The following ABCC8 variants were observed in gnomAD, a reference collection of about 807,000 sequenced individuals.
The protein encoded by ABCC8 is ATP-binding cassette sub-family C member 8.
In ABCC8, 137 loss-of-function variants were observed where a neutral mutation model predicts 188.0. The observed-to-expected ratio is 0.73, with a 90% CI of 0.63 to 0.84. The LOEUF is 0.84. Ranked by LOEUF, ABCC8 falls within the 40% of genes least tolerant of loss-of-function variation. The pLI is 0.00. For synonymous variants in ABCC8, 797 were observed against 846.5 expected (o/e 0.94, Z 1.01); for missense variants, 1,750 against 2,072.7 (o/e 0.84, Z 3.02).
chr11:17,450,432 T>C (rs1044973846), intron 7 of ABCC8, among the ~76,000 whole-genome samples: 1 of 145,926 alleles, frequency 6.9e-6, no homozygotes, highest in Non-Finnish European at 1.5e-5. Context: ...TCTTGCTGTG[T>C]CGCCCAGGCT....
Position 17,474,958 on chromosome 11 carries a change from A to C in ABCC8, c.218T>G (p.Leu73Arg). 6.2e-7 allele frequency: 1 copy of C among 1,614,202 alleles called. No individual in the cohort carries two copies. Among genetic ancestry groups the C allele is most frequent in the Non-Finnish European group, 8.5e-7 (1 of 1,180,026 alleles). Residue 73 changes from leucine to arginine, a missense_variant, in exon 2 of 39, where the codon CTG (leucine) becomes CGG (arginine). Physicochemically the swap from Leu to Arg is moderately radical, Grantham distance 102. Coordinates refer to ENST00000389817, the MANE Select transcript of ABCC8 (RefSeq NM_000352.6). Reference sequence around the variant, plus strand: ...CAGCATGAAGGTCAGGATCCACCGCAGGTTGTGCCCAGGGAAATGAAGCCA... The same window carrying C: ...CAGCATGAAGGTCAGGATCCACCGCCGGTTGTGCCCAGGGAAATGAAGCCA... Reference protein sequence around the residue: ...STWLHFPGHNLRWILTFMLLF... With the variant: ...STWLHFPGHNRRWILTFMLLF...
chr11:17,402,709 GAGAGA>G lies in ABCC8; in HGVS notation c.3597_3601del (p.Leu1200ThrfsTer18). The G allele has an allele frequency of 1.2e-6, 2 of 1,614,252 alleles. No homozygotes were observed. Among genetic ancestry groups the G allele is most frequent in the Non-Finnish European group, 1.7e-6 (2 of 1,180,050 alleles). On this transcript the variant is annotated frameshift_variant, in exon 29 of 39. Transcript: ENST00000389817. LOFTEE classifies it high-confidence loss of function. ...TCCTTCTACGGTTTCGGCAAAGTGT[GAGAGA>G]AGTGGAAGCTGGGTGGTGTCATCCA...
In ABCC8 at chr11:17,443,167, T is replaced by C; in HGVS notation, c.1467+11A>G. 1 of 1,614,046 alleles carries C rather than the reference T, an allele frequency of 6.2e-7. No homozygotes were observed. The highest frequency in any genetic ancestry group is 8.5e-7 in the Non-Finnish European group (1 of 1,179,984). ...AAGAGGGACAAAACACACACACCTTTGGGCACTCACCAGTGTGCTCCGCTG... is the reference window on the plus strand; with the variant it reads ...AAGAGGGACAAAACACACACACCTTCGGGCACTCACCAGTGTGCTCCGCTG... On this transcript the variant is annotated intron_variant, in intron 9 of 38. Coordinates refer to ENST00000389817, the MANE Select transcript of ABCC8 (RefSeq NM_000352.6).
At chr11:17,430,519 G>A (rs929478081) in intron 12 of ABCC8, 1 of 447,982 alleles carries the variant, frequency 2.2e-6, no homozygotes, top group Non-Finnish European at 4.2e-6. Flanking sequence ...GTAGAATTTA[G>A]GAGGATTCCA....
intron 6 of ABCC8, among the ~76,000 whole-genome samples, chr11:17,456,455 A>G (rs1420485479): frequency 6.6e-6 from 1 of 152,208 alleles, no homozygotes; most frequent in East Asian, 1.9e-4. Context: ...ATGATTGGAA[A>G]GGTCCCCTTC....
At position 17,396,044 on chromosome 11, in the gene ABCC8, C is replaced by T. The variant is rs551249865; in HGVS notation, c.4120-114G>A. 40 of 1,528,222 alleles carry T rather than the reference C, an allele frequency of 2.6e-5. 1 individual carries two copies. The African/African-American group carries it at 3.7e-4, about 14-fold the overall frequency. The allele number at this position is 1,528,222 out of a possible 1,614,324, so 94.7% of individuals were successfully genotyped here. Reference sequence around the variant, plus strand: ...GGGAGGTCACAGGGTATCTTTTTGGCCTGGTTTTCTGACTAGTTTCTCTTT... The same window carrying T: ...GGGAGGTCACAGGGTATCTTTTTGGTCTGGTTTTCTGACTAGTTTCTCTTT... On this transcript the variant is annotated intron_variant, in intron 33 of 38. Transcript: ENST00000389817.
chr11:17,456,616 C>T (rs573524439), intron 6 of ABCC8, among the ~76,000 whole-genome samples: 10 of 152,286 alleles, frequency 6.6e-5, no homozygotes, highest in Admixed American at 2.0e-4. Flanking sequence ...GAGACCAACA[C>T]ACCTACCCAT....
Position 17,461,781 on chromosome 11 carries a change from C to T in ABCC8, c.624G>A (p.Glu208=). The T allele has an allele frequency of 2.5e-6, 4 of 1,614,134 alleles. No individual in the cohort carries two copies. The highest frequency in any genetic ancestry group is 3.4e-6 in the Non-Finnish European group (4 of 1,180,018). ...FKTPREVKPP[E]DLQDLGVRFL... is the part of the protein sequence containing the mutation. ...AGCGTACCCCCAGGTCTTGCAGGTC[C>T]TCGGGAGGCTTCACCTCCCTCGGTG... is the stretch of plus-strand genomic sequence containing the variant. The change falls in exon 5 of 39, where the codon GAG becomes GAA. Residue 208 remains glutamate (E), a synonymous_variant. Coordinates refer to ENST00000389817, the MANE Select transcript of ABCC8 (RefSeq NM_000352.6).
intron 6 of ABCC8, among the ~76,000 whole-genome samples, chr11:17,456,610 C>T (rs2237974): frequency 0.31 from 46,572 of 151,846 alleles, 7,281 homozygotes; most frequent in Middle Eastern, 0.45. Context: ...CACCCAGAGA[C>T]CAACACACCT....
At chr11:17,397,424 T>C in intron 31 of ABCC8, 111 bp from the exon 32 acceptor site, 5 of 1,566,352 alleles carry the variant, frequency 3.2e-6, no homozygotes, top group Non-Finnish European at 4.3e-6. Flanking sequence ...AGATTCCTTT[T>C]GCTGCCATCC....
chr11:17,401,127 A>G (rs974818944), intron 29 of ABCC8, among the ~76,000 whole-genome samples: 1 of 152,218 alleles, frequency 6.6e-6, no homozygotes, highest in Non-Finnish European at 1.5e-5. Context: ...TAGAAGAGTC[A>G]CCATCTCTCT....
At chr11:17,433,697 C>A (rs74941325) in intron 10 of ABCC8, among the ~76,000 whole-genome samples, 1 of 152,202 alleles carries the variant, frequency 6.6e-6, no homozygotes, top group African/African-American at 2.4e-5. Context: ...TCCCCATCCT[C>A]GGGGAATTCC....
At chr11:17,415,575 G>A (rs889684028) in intron 17 of ABCC8, among the ~76,000 whole-genome samples, 2 of 152,210 alleles carry the variant, frequency 1.3e-5, no homozygotes, top group African/African-American at 4.8e-5. Context: ...ACCCAGTTAA[G>A]AGGGAGAATG....
intron 8 of ABCC8, among the ~76,000 whole-genome samples, chr11:17,444,021 A>AAGAGAGAGAGAG (rs112019394): frequency 3.3e-5 from 5 of 150,860 alleles, no homozygotes; most frequent in African/African-American, 9.7e-5. Context: ...CTTAGCTAAA[A>AAGAGAGAGAGAG]AGAGAGAGAG....
Position 17,406,905 on chromosome 11 carries a change from T to A in ABCC8, c.3145A>T (p.Asn1049Tyr). 6.2e-7 allele frequency: 1 copy of A among 1,614,112 alleles called. No homozygotes were observed. The highest frequency in any genetic ancestry group is 1.1e-5 in the South Asian group (1 of 91,084). The change falls in exon 25 of 39, where the codon AAC becomes TAC. Residue 1049 changes from asparagine (N) to tyrosine (Y), a missense_variant. Transcript: ENST00000389817. ...AGTCACACCTGGCTGAGGGAGCAGT[T>A]CCTGGCTGCAGGGGTCAGGGTCAGG... ...SALTLTPAAR[N>Y]CSLSQECTLD...
chr11:17,405,437 C>T, intron 27 of ABCC8, 57 bp downstream of exon 27: 3 of 1,612,768 alleles, frequency 1.9e-6, no homozygotes, highest in South Asian at 2.2e-5. Context: ...CAGGAGAAGC[C>T]CCCAGGGGTC....
chr11:17,412,919 A>G (rs1954886390), intron 20 of ABCC8, 173 bp from the exon 21 acceptor site: 1 of 1,404,944 alleles, frequency 7.1e-7, no homozygotes, highest in Non-Finnish European at 9.6e-7. Flanking sequence ...ATTCATTCAG[A>G]AGAGGGCAGC....
intron 22 of ABCC8, 126 bp downstream of exon 22, chr11:17,410,390 T>C: frequency 9.1e-7 from 1 of 1,093,812 alleles, no homozygotes; most frequent in Non-Finnish European, 1.4e-6. Context: ...AGCCATCCAG[T>C]GCTGGTCTCT....
At chr11:17,450,314 CTTTCTT>C (rs1564959359) in intron 7 of ABCC8, among the ~76,000 whole-genome samples, 101 of 121,618 alleles carry the variant, frequency 8.3e-4, no homozygotes, top group East Asian at 7.3e-3. Context: ...TTCTTTCTTT[CTTTCTT>C]TCTTTCTCTC....
Sources: allele counts gnomAD v4.1 joint callset (sites outside exome capture counted in the v4.1 genomes callset), GRCh38; gene constraint gnomAD v4.1.1; transcripts MANE v1.5; gene names NCBI Gene and HGNC (gene_info 2026-07-23, HGNC 2026-07-21).